The following MGAT5 variants were observed in gnomAD, a reference collection of about 807,000 sequenced individuals.
MGAT5 encodes the protein alpha-1,6-mannosylglycoprotein 6-beta-N-acetylglucosaminyltransferase.
MGAT5 carries 30 observed loss-of-function variants against 94.3 expected under a neutral mutation model. The observed-to-expected ratio is 0.32, with a 90% confidence interval of 0.24 to 0.43. The LOEUF (loss-of-function observed/expected upper bound fraction) is 0.43, where lower values mean the gene tolerates loss of function less well. MGAT5 is among the 20% of genes least tolerant of loss of function. The probability of loss-of-function intolerance (pLI) is 1.00; values close to 1 mark genes in which losing one functional copy is unlikely to be tolerated. For missense variants in MGAT5, 691 were observed against 905.5 expected, an observed-to-expected ratio of 0.76 and a Z score of 3.04; for synonymous variants, 310 against 322.9, an observed-to-expected ratio of 0.96 and a Z score of 0.43.
At chr2:134,369,242 T>G (rs1680630645) in intron 10 of MGAT5, among the ~76,000 whole-genome samples, 1 of 152,248 alleles carries the variant, frequency 6.6e-6, no homozygotes, top group African/African-American at 2.4e-5. Flanking sequence ...AACATTTCCC[T>G]GTGTTCTTTG....
chr2:134,155,303 C>T (rs1687425038), intron 1 of MGAT5, among the ~76,000 whole-genome samples: 1 of 152,234 alleles, frequency 6.6e-6, no homozygotes, highest in Non-Finnish European at 1.5e-5. Flanking sequence ...ACGGCATCCA[C>T]ATTGAGCTTC....
intron 1 of MGAT5, among the ~76,000 whole-genome samples, chr2:134,159,053 A>G (rs955083086): frequency 5.3e-5 from 8 of 152,220 alleles, no homozygotes; most frequent in African/African-American, 1.9e-4. Flanking sequence ...TATTTTGTGT[A>G]TATTACGTTA....
chr2:134,182,617 G>T (rs1156850121), intron 1 of MGAT5, among the ~76,000 whole-genome samples: 1 of 152,088 alleles, frequency 6.6e-6, no homozygotes, highest in Non-Finnish European at 1.5e-5. Flanking sequence ...AACAAAACAT[G>T]CACAGCCCTG....
intron 10 of MGAT5, among the ~76,000 whole-genome samples, chr2:134,363,183 C>T (rs1351670162): frequency 2.0e-5 from 3 of 152,184 alleles, no homozygotes; most frequent in African/African-American, 7.2e-5. Flanking sequence ...CACAACATGC[C>T]TCTTCCTAAA....
At chr2:134,336,416 C>T (rs768493417) in intron 5 of MGAT5, 128 bp downstream of exon 5, 39 of 731,832 alleles carry the variant, frequency 5.3e-5, no homozygotes, top group Middle Eastern at 3.4e-4. Flanking sequence ...CTTCTGTATT[C>T]GTCTCTGTGG....
At position 134,238,785 on chromosome 2, in the gene MGAT5, A is replaced by C. The variant is rs541023293; in HGVS notation, c.-142-15477A>C. Among the ~76,000 whole-genome samples the C allele has an allele frequency of 3.5e-3, 535 of 152,142 alleles. 2 individuals carry two copies. Among genetic ancestry groups the C allele is most frequent in the South Asian group, 9.1e-3 (44 of 4,822 alleles). ...ATGGTGAAACCCTGTCTGTACTAAA[A>C]ATACAAAATTAGCCAGGCATGGTGG... On this transcript the variant is annotated intron_variant, in intron 1 of 16. Transcript: ENST00000409645.
chr2:134,297,866 G>C (rs1296435545), intron 2 of MGAT5, among the ~76,000 whole-genome samples: 1 of 151,824 alleles, frequency 6.6e-6, no homozygotes, highest in African/African-American at 2.4e-5. Flanking sequence ...GAAGGGATTT[G>C]TTGTATCATT....
chr2:134,123,982 C>G (rs1430249995), intron 1 of MGAT5, among the ~76,000 whole-genome samples: 2 of 152,172 alleles, frequency 1.3e-5, no homozygotes, highest in Non-Finnish European at 1.5e-5. Context: ...TCTCTCCAAC[C>G]CTTAAAGTCT....
At chr2:134,171,648 A>G (rs1397207056) in intron 1 of MGAT5, among the ~76,000 whole-genome samples, 2 of 152,222 alleles carry the variant, frequency 1.3e-5, no homozygotes, top group Non-Finnish European at 2.9e-5. Context: ...ACGGAGAACC[A>G]AAGTTCATAC....
chr2:134,297,479 A>G (rs1454410218), intron 2 of MGAT5, among the ~76,000 whole-genome samples: 1 of 152,186 alleles, frequency 6.6e-6, no homozygotes, highest in Non-Finnish European at 1.5e-5. Context: ...ATAAACACTG[A>G]CACAAATTCT....
intron 11 of MGAT5, among the ~76,000 whole-genome samples, chr2:134,407,470 A>G (rs1167146902): frequency 1.3e-5 from 2 of 152,198 alleles, no homozygotes; most frequent in African/African-American, 4.8e-5. Context: ...TCTGACTTTC[A>G]GAGCAAAAGT....
At chr2:134,299,371 A>G (rs1208788359) in intron 2 of MGAT5, among the ~76,000 whole-genome samples, 2 of 152,210 alleles carry the variant, frequency 1.3e-5, no homozygotes, top group African/African-American at 4.8e-5. Context: ...GGCACCCTGG[A>G]AGTACCTGTG....
At chr2:134,133,356 T>C (rs984543228) in intron 1 of MGAT5, among the ~76,000 whole-genome samples, 14 of 152,218 alleles carry the variant, frequency 9.2e-5, no homozygotes, top group Non-Finnish European at 1.8e-4. Context: ...AAGGACAACA[T>C]TGTTATTTAT....
At chr2:134,442,999 A>G (rs1197757755) in intron 15 of MGAT5, among the ~76,000 whole-genome samples, 1 of 152,132 alleles carries the variant, frequency 6.6e-6, no homozygotes, top group Non-Finnish European at 1.5e-5. Flanking sequence ...TTCAGGCTTC[A>G]CGCCCTGTTA....
At chr2:134,272,589 G>C (rs1684097719) in intron 2 of MGAT5, among the ~76,000 whole-genome samples, 4 of 152,164 alleles carry the variant, frequency 2.6e-5, no homozygotes, top group African/African-American at 9.7e-5. Flanking sequence ...TGGGAGGCAG[G>C]GAAGGAGAGG....
intron 12 of MGAT5, among the ~76,000 whole-genome samples, chr2:134,417,023 T>G (rs983873209): frequency 1.3e-5 from 2 of 152,090 alleles, no homozygotes; most frequent in African/African-American, 4.8e-5. Context: ...ATTTTGTTTA[T>G]TCAGTTATTG....
chr2:134,411,207 TATA>T (rs1370010891), intron 11 of MGAT5, among the ~76,000 whole-genome samples: 1 of 152,180 alleles, frequency 6.6e-6, no homozygotes, highest in South Asian at 2.1e-4. Context: ...CTGTTAGCTG[TATA>T]ATAAGAGTAA....
intron 10 of MGAT5, among the ~76,000 whole-genome samples, chr2:134,396,602 C>A (rs536913408): frequency 1.3e-5 from 2 of 152,256 alleles, no homozygotes; most frequent in Admixed American, 6.5e-5. Context: ...GGACTTTAAG[C>A]TCGTTTGCTG....
Position 134,273,023 on chromosome 2 carries a change from G to A in MGAT5, c.406+2473G>A, listed in dbSNP as rs559988325. Among the ~76,000 whole-genome samples the A allele has an allele frequency of 4.0e-5, 6 of 149,018 alleles. No individual in the cohort carries two copies. The South Asian group carries it at 6.4e-4, about 16-fold the overall frequency. On this transcript the variant is annotated intron_variant, in intron 2 of 15. Transcript: ENST00000281923. ...TGTGTGTGTGTCTGTGTGTGTGTGC[G>A]CGCGCGCGTGCGCGTGCATGCATGC...
Sources: gnomAD v4.1 joint callset for allele counts (sites outside exome capture counted in the v4.1 genomes callset) on GRCh38, gnomAD v4.1.1 for gene constraint, MANE v1.5 for transcripts, NCBI Gene and HGNC (gene_info 2026-07-23, HGNC 2026-07-21) for gene names.